The following PTPRH variants were observed in gnomAD, a reference collection of about 807,000 sequenced individuals.
PTPRH encodes the protein protein tyrosine phosphatase receptor type H.
PTPRH carries 113 observed loss-of-function variants against 130.2 expected under a neutral mutation model. The ratio of observed to expected loss-of-function variants is 0.87; its 90% CI spans 0.75 to 1.01. The LOEUF (loss-of-function observed/expected upper bound fraction) is 1.01, where lower values mean the gene tolerates loss of function less well. Among genes scored for constraint, PTPRH ranks in the 50% least tolerant of loss-of-function variants. The pLI is 0.00. For missense variants in PTPRH, 1,430 were observed against 1,425.0 expected, an observed-to-expected ratio of 1.00 and a Z score of -0.06; for synonymous variants, 556 against 577.9, an observed-to-expected ratio of 0.96 and a Z score of 0.54.
At chr19:55,201,417 G>A (rs2086860063) in intron 6 of PTPRH, among the ~76,000 whole-genome samples, 1 of 152,204 alleles carries the variant, frequency 6.6e-6, no homozygotes, top group Non-Finnish European at 1.5e-5. Context: ...AGGGAGCTTT[G>A]TGTGGTGATG....
Position 55,206,903 on chromosome 19 carries a change from G to A in PTPRH, c.138C>T (p.Ile46=), listed in dbSNP as rs2122361089. Residue 46 remains isoleucine, a synonymous_variant, in exon 3 of 20, where the codon ATC becomes ATT. Transcript: ENST00000376350. Reference sequence around the variant, plus strand: ...CATCGGGGACCTCCCAGCTCAGGGAGATGGAGCTGGTGGTCTGAGTCTCCA... The same window carrying A: ...CATCGGGGACCTCCCAGCTCAGGGAAATGGAGCTGGTGGTCTGAGTCTCCA... ...LTVETQTTSS[I]SLSWEVPDGL... 1 of 1,612,570 alleles carries A rather than the reference G, an allele frequency of 6.2e-7. No individual in the cohort carries two copies. Among genetic ancestry groups the A allele is most frequent in the Admixed American group, 1.7e-5 (1 of 59,932 alleles).
chr19:55,192,718 A>G (rs2086578648), intron 10 of PTPRH, among the ~76,000 whole-genome samples: 2 of 150,906 alleles, frequency 1.3e-5, no homozygotes, highest in South Asian at 2.1e-4. Flanking sequence ...CTCCTGGCTA[A>G]TTTTTTGTAT....
chr19:55,187,703 G>A, intron 13 of PTPRH, 100 bp from the exon 14 acceptor site: 3 of 836,772 alleles, frequency 3.6e-6, no homozygotes, highest in Non-Finnish European at 6.1e-6. Context: ...ATCACCCCTT[G>A]TTTATTCGTT....
Position 55,202,270 on chromosome 19 carries a change from G to C in PTPRH, c.939C>G (p.Ile313Met), listed in dbSNP as rs377115239. The change falls in exon 6 of 20, where the codon ATC becomes ATG. Residue 313 changes from isoleucine (I) to methionine (M), a missense_variant. Transcript: ENST00000376350. ...LTVEAQTNSSIALTWEVPDGP... is the reference protein window; with the variant it reads ...LTVEAQTNSSMALTWEVPDGP... ...CATCGGGGACCTCCCAGGTCAGGGC[G>C]ATGGAGCTGTTGGTCTGAGCCTCCA... 6.2e-7 allele frequency: 1 copy of C among 1,614,220 alleles called. No individual in the cohort carries two copies. The highest frequency in any genetic ancestry group is 8.5e-7 in the Non-Finnish European group (1 of 1,180,038).
At chr19:55,197,916 A>G (rs970081533) in intron 8 of PTPRH, among the ~76,000 whole-genome samples, 2 of 152,186 alleles carry the variant, frequency 1.3e-5, no homozygotes, top group African/African-American at 4.8e-5. Flanking sequence ...CAAGGATTAA[A>G]GAGTTCCAGG....
chr19:55,204,371 C>T (rs1392652298), intron 4 of PTPRH, among the ~76,000 whole-genome samples: 2 of 152,178 alleles, frequency 1.3e-5, no homozygotes, highest in Non-Finnish European at 2.9e-5. Context: ...TCCCAAAGTG[C>T]TGGGACTACA....
At position 55,207,132 on chromosome 19, in the gene PTPRH, G is replaced by A. The variant is rs377442311; in HGVS notation, c.85+34C>T. 153 of 1,611,668 alleles carry A rather than the reference G, an allele frequency of 9.5e-5. No homozygotes were observed. The African/African-American group carries it at 1.3e-3, about 13-fold the overall frequency. On this transcript the variant is annotated intron_variant, in intron 2 of 19. Coordinates refer to ENST00000376350, the MANE Select transcript of PTPRH (RefSeq NM_002842.5). ...ACGGCAGTTGCGGTCCCACCTCTTC[G>A]AGTGGGCAGTGAGTTCAGGCAGGGG...
intron 10 of PTPRH, 148 bp downstream of exon 10, chr19:55,196,374 G>C (rs1026437807): frequency 8.8e-7 from 1 of 1,133,470 alleles, no homozygotes; most frequent in Non-Finnish European, 1.2e-6. Context: ...GACAAGAAGA[G>C]CAAAACTCCA....
At chr19:55,204,456 G>A (rs1482377669) in intron 4 of PTPRH, among the ~76,000 whole-genome samples, 2 of 152,152 alleles carry the variant, frequency 1.3e-5, no homozygotes, top group Non-Finnish European at 2.9e-5. Context: ...AACAGCTGGT[G>A]CCAGTAGATG....
intron 6 of PTPRH, among the ~76,000 whole-genome samples, chr19:55,201,427 G>A (rs995243089): frequency 6.6e-6 from 1 of 152,230 alleles, no homozygotes; most frequent in East Asian, 1.9e-4. Context: ...GTGTGGTGAT[G>A]AAGACAGTCT....
At position 55,186,342 on chromosome 19, in the gene PTPRH, C is replaced by T; in HGVS notation, c.2661G>A (p.Gln887=). The change falls in exon 16 of 20, where the codon CAG becomes CAA. Residue 887 remains glutamine, a synonymous_variant. Transcript: ENST00000376350. ...ASFMPGLWSP[Q]EFIATQGPLP... is the part of the protein sequence containing the mutation. ...GGGGACCCTGGGTTGCAATGAACTC[C>T]TGGGGGCTCCAGAGACCCTGGTTGA... 1 of 1,613,868 alleles carries T rather than the reference C, an allele frequency of 6.2e-7. No homozygotes were observed. Among genetic ancestry groups the T allele is most frequent in the Non-Finnish European group, 8.5e-7 (1 of 1,179,884 alleles).
intron 12 of PTPRH, among the ~76,000 whole-genome samples, chr19:55,190,476 A>T (rs571467768): frequency 1.5e-5 from 2 of 133,118 alleles, no homozygotes; most frequent in Non-Finnish European, 3.1e-5. Flanking sequence ...AAATTTATAT[A>T]TTATATATTA....
chr19:55,192,459 G>T (rs1452999485), intron 10 of PTPRH, among the ~76,000 whole-genome samples: 1 of 152,090 alleles, frequency 6.6e-6, no homozygotes, highest in African/African-American at 2.4e-5. Context: ...CAGATGAAAT[G>T]TATGTTGTTT....
At chr19:55,207,339 C>T (rs957883955) in intron 1 of PTPRH, 140 bp from the exon 2 acceptor site, 5 of 851,276 alleles carry the variant, frequency 5.9e-6, no homozygotes, top group Non-Finnish European at 9.1e-6. Flanking sequence ...TTAGGCTGGG[C>T]TGTCACGACC....
At position 55,186,452 on chromosome 19, in the gene PTPRH, C is replaced by G. The variant is rs2086329824; in HGVS notation, c.2643+12G>C. 6.2e-7 allele frequency: 1 copy of G among 1,614,128 alleles called. No individual in the cohort carries two copies. The highest frequency in any genetic ancestry group is 8.5e-7 in the Non-Finnish European group (1 of 1,180,010). On this transcript the variant is annotated intron_variant, in intron 15 of 19. Coordinates refer to ENST00000376350, the MANE Select transcript of PTPRH (RefSeq NM_002842.5). ...GTGCTGGGCACCCTTTCAATCCCAA[C>G]CACGACCTTACGGGCATGAAGCTGG...
chr19:55,196,876 C>G (rs2086699160), intron 9 of PTPRH, 88 bp from the exon 10 acceptor site: 35 of 1,487,752 alleles, frequency 2.4e-5, no homozygotes, highest in Non-Finnish European at 3.2e-5. Context: ...TGAGACGAGC[C>G]CATCCCTTCC....
intron 14 of PTPRH, among the ~76,000 whole-genome samples, chr19:55,186,993 G>A (rs1055481532): frequency 2.7e-5 from 4 of 149,058 alleles, no homozygotes; most frequent in African/African-American, 9.9e-5. Flanking sequence ...TGCAGTGAGC[G>A]GAGGTGGTGC....
At chr19:55,201,581 C>T (rs559646415) in intron 6 of PTPRH, among the ~76,000 whole-genome samples, 2 of 152,204 alleles carry the variant, frequency 1.3e-5, no homozygotes, top group African/African-American at 4.8e-5. Context: ...TTAATAGCCA[C>T]GTGTGGCTAG....
At chr19:55,194,270 G>A in intron 10 of PTPRH, 11 of 1,289,688 alleles carry the variant, frequency 8.5e-6, no homozygotes, top group Non-Finnish European at 1.0e-5. Flanking sequence ...CAGCCTTGAA[G>A]GCCCCCAAGC....
Sources: allele counts gnomAD v4.1 joint callset (sites outside exome capture counted in the v4.1 genomes callset), GRCh38; gene constraint gnomAD v4.1.1; transcripts MANE v1.5; gene names NCBI Gene and HGNC (gene_info 2026-07-23, HGNC 2026-07-21).